KCNH1: variants seen among roughly 807,000 people sequenced by gnomAD.
KCNH1 encodes the protein potassium voltage-gated channel subfamily H member 1.
Under a neutral mutation model 69.2 loss-of-function variants are expected in KCNH1, and 27 were observed. That is an observed-to-expected ratio of 0.39 (90% CI 0.29 to 0.54). KCNH1 has a LOEUF of 0.54. Among genes scored for constraint, KCNH1 ranks in the 20% least tolerant of loss-of-function variants. KCNH1 has a pLI of 0.68. For missense variants in KCNH1, 798 were observed against 1,261.6 expected (o/e 0.63, Z 5.57); for synonymous variants, 456 against 487.7 (o/e 0.93, Z 0.86).
chr1:210,716,693 T>G (rs1463837796), intron 10 of KCNH1, among the ~76,000 whole-genome samples: 1 of 152,186 alleles, frequency 6.6e-6, no homozygotes, highest in Admixed American at 6.5e-5. Flanking sequence ...CAGGCTCTAT[T>G]GGTTGTGATG....
chr1:210,716,431 C>CAAAAAAAAAAAAAA (rs58725705), intron 10 of KCNH1, among the ~76,000 whole-genome samples: 45 of 91,906 alleles, frequency 4.9e-4, no homozygotes, highest in Middle Eastern at 6.6e-3. Context: ...GACTCCGTCT[C>CAAAAAAAAAAAAAA]AAAAAAAAAA....
intron 7 of KCNH1, among the ~76,000 whole-genome samples, chr1:210,835,110 A>T (rs1685254832): frequency 6.6e-6 from 1 of 152,164 alleles, no homozygotes; most frequent in African/African-American, 2.4e-5. Flanking sequence ...TGTTTCTTCT[A>T]ATAAGTAATT....
intron 6 of KCNH1, among the ~76,000 whole-genome samples, chr1:210,994,341 C>T (rs1466792691): frequency 5.3e-5 from 8 of 152,132 alleles, no homozygotes. Flanking sequence ...GTGCTAAGTG[C>T]CACAACTTGC....
intron 6 of KCNH1, among the ~76,000 whole-genome samples, chr1:211,002,338 G>A (rs28837808): frequency 0.17 from 14,754 of 87,608 alleles, 904 homozygotes; most frequent in South Asian, 0.28. Flanking sequence ...GTGTGTGTGT[G>A]TATATATATA....
rs942828303 is a variant in KCNH1, at chr1:210,710,118, C to T, written c.2113-25980G>A. Among the ~76,000 whole-genome samples the T allele has an allele frequency of 3.9e-5, 6 of 152,170 alleles. No homozygotes were observed. The East Asian group carries it at 1.2e-3, about 29-fold the overall frequency. On this transcript the variant is annotated intron_variant, in intron 10 of 10. Coordinates refer to ENST00000271751, the MANE Select transcript of KCNH1 (RefSeq NM_172362.3). ...GGTATATCCTGTTGCTCCTAGGCTA[C>T]AAACCTGTACAGCATGTTACTGTAT...
intron 7 of KCNH1, among the ~76,000 whole-genome samples, chr1:210,897,523 T>A (rs542127478): frequency 6.6e-6 from 1 of 152,220 alleles, no homozygotes; most frequent in African/African-American, 2.4e-5. Flanking sequence ...AGGACACCCC[T>A]GCCCTCTGTT....
intron 7 of KCNH1, among the ~76,000 whole-genome samples, chr1:210,915,823 G>C (rs1041834274): frequency 6.6e-6 from 1 of 152,176 alleles, no homozygotes; most frequent in Admixed American, 6.5e-5. Context: ...AGAGCAGACA[G>C]GGGAGGTCAC....
At chr1:210,744,833 G>A (rs529404236) in intron 10 of KCNH1, among the ~76,000 whole-genome samples, 11 of 152,208 alleles carry the variant, frequency 7.2e-5, no homozygotes, top group South Asian at 2.1e-4. Context: ...CCCAAGCGCC[G>A]TTAGTTACCG....
intron 7 of KCNH1, among the ~76,000 whole-genome samples, chr1:210,886,433 T>C (rs1574317700): frequency 6.6e-6 from 1 of 152,082 alleles, no homozygotes; most frequent in Non-Finnish European, 1.5e-5. Context: ...CCCACGAAGA[T>C]GAGGAAAAAC....
intron 7 of KCNH1, among the ~76,000 whole-genome samples, chr1:210,882,025 G>C (rs1454779976): frequency 6.6e-6 from 1 of 152,074 alleles, no homozygotes; most frequent in Non-Finnish European, 1.5e-5. Context: ...GTAAACTATG[G>C]ACTTTGAGTG....
intron 7 of KCNH1, among the ~76,000 whole-genome samples, chr1:210,911,319 T>C (rs143881474): frequency 6.6e-6 from 1 of 152,308 alleles, no homozygotes; most frequent in African/African-American, 2.4e-5. Context: ...CTTTCCTTAG[T>C]GGAGACTCAT....
chr1:211,066,333 C>T (rs866839354), intron 5 of KCNH1, among the ~76,000 whole-genome samples: 2 of 151,998 alleles, frequency 1.3e-5, no homozygotes, highest in South Asian at 2.1e-4. Context: ...CCAAAATGCT[C>T]GGGACCAAAA....
chr1:210,692,219 T>G (rs1681542490), intron 10 of KCNH1, among the ~76,000 whole-genome samples: 1 of 152,182 alleles, frequency 6.6e-6, no homozygotes, highest in African/African-American at 2.4e-5. Flanking sequence ...CCTAGACTGG[T>G]GGGCATGGGC....
rs1055070201 is a variant in KCNH1 at position 210,904,091 on chromosome 1, C to T, written c.1462+15549G>A. 6.6e-5 allele frequency among the ~76,000 whole-genome samples: 10 copies of T among 152,166 alleles called. No homozygotes were observed. The East Asian group carries it at 7.7e-4, about 12-fold the overall frequency. On this transcript the variant is annotated intron_variant, in intron 7 of 10. Coordinates refer to ENST00000271751, the MANE Select transcript of KCNH1 (RefSeq NM_172362.3). The stretch of plus-strand genomic sequence containing the variant: ...AACATACTTATAAGCCTCTAAGGAA[C>T]GGTGGAATGTCAGCAGGCAGTGCAA...
intron 3 of KCNH1, among the ~76,000 whole-genome samples, chr1:211,102,914 A>C (rs1300275406): frequency 6.6e-6 from 1 of 152,202 alleles, no homozygotes; most frequent in Non-Finnish European, 1.5e-5. Flanking sequence ...TAATACAGCT[A>C]ATCTCCAACA....
intron 6 of KCNH1, among the ~76,000 whole-genome samples, 175 bp downstream of exon 6, chr1:211,018,608 C>T (rs1301451061): frequency 2.0e-5 from 3 of 152,188 alleles, no homozygotes; most frequent in Non-Finnish European, 4.4e-5. Context: ...CATGCAGGGC[C>T]TCCAAACCGC....
At chr1:210,818,861 G>T (rs974217604) in intron 7 of KCNH1, among the ~76,000 whole-genome samples, 1 of 152,140 alleles carries the variant, frequency 6.6e-6, no homozygotes, top group Non-Finnish European at 1.5e-5. Context: ...TAAAAATTAT[G>T]TTTTCTCAGG....
At chr1:210,955,509 C>T (rs1344305189) in intron 6 of KCNH1, among the ~76,000 whole-genome samples, 4 of 152,112 alleles carry the variant, frequency 2.6e-5, no homozygotes, top group South Asian at 2.1e-4. Context: ...GCCATTTTCA[C>T]GATATTGATT....
rs61848581 is a variant in KCNH1, at chr1:211,051,576, G to A, written c.558+31204C>T. Among the ~76,000 whole-genome samples, 949 of 152,294 alleles carry A rather than the reference G, an allele frequency of 6.2e-3. 4 individuals are homozygous for A. The highest frequency in any genetic ancestry group is 0.011 in the Non-Finnish European group (728 of 68,010). On this transcript the variant is annotated intron_variant, in intron 5 of 10. Coordinates refer to ENST00000271751, the MANE Select transcript of KCNH1 (RefSeq NM_172362.3). ...TGGAGGGCATGTTCCAAGGCCCAGC[G>A]TCAAGAGAGAGTGTTTGACAGACAT...
Sources: gnomAD v4.1 joint callset for allele counts (sites outside exome capture counted in the v4.1 genomes callset) on GRCh38, gnomAD v4.1.1 for gene constraint, MANE v1.5 for transcripts, NCBI Gene and HGNC (gene_info 2026-07-23, HGNC 2026-07-21) for gene names.